The following SH3BGR variants were observed in gnomAD, a reference collection of about 807,000 sequenced individuals.
SH3BGR encodes the protein SH3 domain binding glutamate rich protein.
A neutral mutation model predicts 24.5 loss-of-function variants in SH3BGR; 29 were observed. That is an observed-to-expected ratio of 1.18 (90% CI 0.88 to 1.61). The LOEUF (loss-of-function observed/expected upper bound fraction) is 1.61. Ranked by LOEUF, SH3BGR falls within the 40% of genes most tolerant of loss-of-function variation. The pLI, the probability that SH3BGR is intolerant of heterozygous loss-of-function variation, is 0.00. For missense variants in SH3BGR, 162 were observed against 205.8 expected, an observed-to-expected ratio of 0.79 and a Z score of 1.30; for synonymous variants, 55 against 65.7, an observed-to-expected ratio of 0.84 and a Z score of 0.79.
chr21:39,454,378 A>G (rs555195075), intron 1 of SH3BGR, among the ~76,000 whole-genome samples: 2,248 of 152,364 alleles, frequency 0.015, 22 homozygotes, highest in Non-Finnish European at 0.021. Context: ...AGCAAATTGT[A>G]GTCTCCTTAT....
chr21:39,457,457 A>G (rs1181748488), intron 1 of SH3BGR, among the ~76,000 whole-genome samples: 2 of 137,046 alleles, frequency 1.5e-5, no homozygotes, highest in Non-Finnish European at 3.1e-5. Flanking sequence ...TCTTATGTAT[A>G]AGATTATATA....
chr21:39,449,632 G>A (rs1032123900), upstream of SH3BGR, among the ~76,000 whole-genome samples: 14 of 152,070 alleles, frequency 9.2e-5, no homozygotes, highest in African/African-American at 2.2e-4. Flanking sequence ...TGGTCATTTC[G>A]AAAAGAATAA....
At chr21:39,447,416 C>CTTTTT (rs910615975), upstream of SH3BGR, among the ~76,000 whole-genome samples, 7 of 114,704 alleles carry the variant, frequency 6.1e-5, no homozygotes, top group East Asian at 2.3e-4. Context: ...TTCGCTTTTG[C>CTTTTT]TTTTTTTTTT....
chr21:39,483,940 G>C (rs2078170051), intron 3 of SH3BGR, among the ~76,000 whole-genome samples: 1 of 152,154 alleles, frequency 6.6e-6, no homozygotes, highest in Non-Finnish European at 1.5e-5. Context: ...AAGACACTAT[G>C]GGAAGATGGA....
upstream of SH3BGR, among the ~76,000 whole-genome samples, chr21:39,449,252 C>G (rs544610917): frequency 6.6e-6 from 1 of 152,346 alleles, no homozygotes; most frequent in South Asian, 2.1e-4. Context: ...GCTCCTTCCT[C>G]CCTTCTGCAG....
At chr21:39,465,869 G>T (rs1412992065) in intron 2 of SH3BGR, among the ~76,000 whole-genome samples, 1 of 152,184 alleles carries the variant, frequency 6.6e-6, no homozygotes, top group African/African-American at 2.4e-5. Context: ...GGGATTATAG[G>T]TGTGAGCTGC....
intron 5 of SH3BGR, among the ~76,000 whole-genome samples, chr21:39,510,125 GT>G (rs1400742939): frequency 2.9e-5 from 4 of 138,966 alleles, no homozygotes. Context: ...TGTATTTTTA[GT>G]AGAGACGGGG....
intron 3 of SH3BGR, among the ~76,000 whole-genome samples, chr21:39,494,684 GT>G (rs923316418): frequency 1.0e-4 from 15 of 150,180 alleles, no homozygotes; most frequent in Admixed American, 2.0e-4. Flanking sequence ...GCCTACCTAT[GT>G]TTTTTTTTGT....
At chr21:39,454,458 C>G (rs2077622801) in intron 1 of SH3BGR, among the ~76,000 whole-genome samples, 1 of 152,192 alleles carries the variant, frequency 6.6e-6, no homozygotes, top group South Asian at 2.1e-4. Context: ...AGCTGTGGCA[C>G]ATTTTACCAC....
chr21:39,505,783 G>A (rs1018148383), intron 4 of SH3BGR, among the ~76,000 whole-genome samples: 7 of 152,062 alleles, frequency 4.6e-5, no homozygotes, highest in Non-Finnish European at 1.0e-4. Flanking sequence ...AAGAGTGCTA[G>A]GTTCCTCCAT....
At chr21:39,508,290 C>T (rs112779986) in intron 4 of SH3BGR, among the ~76,000 whole-genome samples, 5,524 of 152,224 alleles carry the variant, frequency 0.036, 133 homozygotes, top group Non-Finnish European at 0.055. Context: ...GTTTATCGGA[C>T]CATTCTGGGA....
intron 4 of SH3BGR, among the ~76,000 whole-genome samples, chr21:39,502,747 G>A (rs1219354245): frequency 6.6e-6 from 1 of 152,216 alleles, no homozygotes; most frequent in Non-Finnish European, 1.5e-5. Flanking sequence ...TGTTTCTGCT[G>A]TCTGTCCCTT....
At chr21:39,474,697 G>A (rs976066884) in intron 2 of SH3BGR, among the ~76,000 whole-genome samples, 17 of 152,114 alleles carry the variant, frequency 1.1e-4, no homozygotes, top group African/African-American at 4.1e-4. Flanking sequence ...TATTGGGAGG[G>A]CCTGAGATGC....
intron 3 of SH3BGR, among the ~76,000 whole-genome samples, chr21:39,492,827 A>G (rs534547195): frequency 6.6e-6 from 1 of 152,122 alleles, no homozygotes; most frequent in East Asian, 1.9e-4. Context: ...TGCAGGAGTA[A>G]GGTGGTATCA....
intron 3 of SH3BGR, among the ~76,000 whole-genome samples, chr21:39,478,019 T>C (rs1602112012): frequency 6.6e-6 from 1 of 152,162 alleles, no homozygotes; most frequent in Non-Finnish European, 1.5e-5. Flanking sequence ...AAATCTACTC[T>C]CAGTGATGTT....
At chr21:39,489,880 A>C (rs943269717) in intron 3 of SH3BGR, among the ~76,000 whole-genome samples, 1 of 152,230 alleles carries the variant, frequency 6.6e-6, no homozygotes, top group Non-Finnish European at 1.5e-5. Flanking sequence ...CAAGAATTGT[A>C]AACTATCTTG....
intron 1 of SH3BGR, among the ~76,000 whole-genome samples, chr21:39,458,701 C>G (rs1231355247): frequency 6.7e-6 from 1 of 149,318 alleles, no homozygotes; most frequent in Non-Finnish European, 1.5e-5. Context: ...GGCTGGAGTG[C>G]AGTGGCATGA....
intron 1 of SH3BGR, 35 bp from the exon 2 acceptor site, chr21:39,462,340 C>A (rs759275189): frequency 6.6e-7 from 1 of 1,513,502 alleles, no homozygotes; most frequent in Non-Finnish European, 8.9e-7. Context: ...AAATATTTTT[C>A]ATAAACAGCC....
chr21:39,488,595 G>A, intron 3 of SH3BGR: 1 of 264,980 alleles, frequency 3.8e-6, no homozygotes, highest in South Asian at 5.8e-5. Context: ...TTAGGATTAT[G>A]TCCGAGTCCA....
Sources: allele counts gnomAD v4.1 joint callset (sites outside exome capture counted in the v4.1 genomes callset), GRCh38; gene constraint gnomAD v4.1.1; transcripts MANE v1.5; gene names NCBI Gene and HGNC (gene_info 2026-07-23, HGNC 2026-07-21).